STAG1: variants seen among roughly 807,000 people sequenced by gnomAD.
The protein encoded by STAG1 is STAG1 cohesin complex component.
A neutral mutation model predicts 170.9 loss-of-function variants in STAG1; 26 were observed. The observed-to-expected ratio is 0.15, with a 90% CI of 0.11 to 0.21. The LOEUF (loss-of-function observed/expected upper bound fraction) is 0.21, where lower values mean the gene tolerates loss of function less well. Ranked by LOEUF, STAG1 falls within the 10% of genes least tolerant of loss-of-function variation. The pLI, the probability that STAG1 is intolerant of heterozygous loss-of-function variation, is 1.00. For missense variants in STAG1, 964 were observed against 1,509.5 expected (o/e 0.64, Z 5.99); for synonymous variants, 514 against 497.7 (o/e 1.03, Z -0.44).
At position 136,737,851 on chromosome 3, in the gene STAG1, C is replaced by CCT. The variant is rs1352340097; in HGVS notation, c.-84+14343_-84+14344insAG. On this transcript the variant is annotated intron_variant, in intron 1 of 33. Coordinates refer to ENST00000383202, the MANE Select transcript of STAG1 (RefSeq NM_005862.3). ...TTGGGAGGCCGAGGCGGGCGGATCT[C>CCT]AAGGTCAGGGGTTCAAGACCAGCCT... Among the ~76,000 whole-genome samples the CCT allele has an allele frequency of 2.6e-3, 401 of 152,078 alleles. 2 individuals are homozygous for CCT. The highest frequency in any genetic ancestry group is 9.4e-3 in the African/African-American group (390 of 41,502).
At chr3:136,551,427 A>AC (rs1559874601) in intron 5 of STAG1, among the ~76,000 whole-genome samples, 3 of 30,448 alleles carry the variant, frequency 9.9e-5, no homozygotes, top group Non-Finnish European at 1.2e-4. Flanking sequence ...ACATCTGGCT[A>AC]ATTTTTTTTT....
chr3:136,714,451 G>A (rs912827480), intron 1 of STAG1, among the ~76,000 whole-genome samples: 3 of 151,994 alleles, frequency 2.0e-5, no homozygotes, highest in Non-Finnish European at 2.9e-5. Flanking sequence ...AAATTAGGCC[G>A]GGCGTGGTGG....
At chr3:136,374,112 T>C (rs1937489357) in intron 23 of STAG1, among the ~76,000 whole-genome samples, 1 of 152,126 alleles carries the variant, frequency 6.6e-6, no homozygotes, top group Non-Finnish European at 1.5e-5. Context: ...TCTTTGTCCC[T>C]TTTGATCTTT....
chr3:136,720,618 T>A (rs1268264712), intron 1 of STAG1, among the ~76,000 whole-genome samples: 1 of 152,038 alleles, frequency 6.6e-6, no homozygotes, highest in Non-Finnish European at 1.5e-5. Flanking sequence ...GGCAAAACCC[T>A]GTCTCTACTA....
At chr3:136,592,417 C>T (rs1438668638) in intron 4 of STAG1, among the ~76,000 whole-genome samples, 1 of 152,196 alleles carries the variant, frequency 6.6e-6, no homozygotes, top group Non-Finnish European at 1.5e-5. Flanking sequence ...GAGGTACCTT[C>T]CACCATGATT....
chr3:136,488,663 C>T (rs1243242155), intron 9 of STAG1, among the ~76,000 whole-genome samples: 2 of 152,168 alleles, frequency 1.3e-5, no homozygotes, highest in Non-Finnish European at 2.9e-5. Flanking sequence ...ATTATTCTTT[C>T]AAGCTCTAGT....
intron 28 of STAG1, among the ~76,000 whole-genome samples, chr3:136,356,920 T>A (rs920576783): frequency 1.3e-4 from 20 of 150,032 alleles, no homozygotes; most frequent in Middle Eastern, 3.3e-3. Context: ...GCCTAGCTAA[T>A]TTTTTTTTAT....
At chr3:136,545,205 C>T (rs1006415269) in intron 5 of STAG1, among the ~76,000 whole-genome samples, 5 of 151,902 alleles carry the variant, frequency 3.3e-5, no homozygotes, top group Admixed American at 6.6e-5. Context: ...CACGTCACCA[C>T]GTGTAATTAT....
chr3:136,657,158 A>G (rs1040695709), intron 1 of STAG1, among the ~76,000 whole-genome samples: 19 of 151,218 alleles, frequency 1.3e-4, no homozygotes, highest in African/African-American at 4.4e-4. Flanking sequence ...GCAAATATAA[A>G]GAACGTCCTC....
chr3:136,737,699 T>A (rs1286123121), intron 1 of STAG1, among the ~76,000 whole-genome samples: 1 of 152,190 alleles, frequency 6.6e-6, no homozygotes, highest in Non-Finnish European at 1.5e-5. Context: ...GGTAGCAGTA[T>A]AAAGGAGGCA....
At chr3:136,519,597 G>A (rs574772192) in intron 7 of STAG1, among the ~76,000 whole-genome samples, 28 of 151,104 alleles carry the variant, frequency 1.9e-4, no homozygotes, top group Non-Finnish European at 3.5e-4. Context: ...GGGCATTACT[G>A]TACACAGAAA....
At chr3:136,720,176 CAAAA>C (rs59409389) in intron 1 of STAG1, among the ~76,000 whole-genome samples, 2 of 61,152 alleles carry the variant, frequency 3.3e-5, no homozygotes, top group Non-Finnish European at 6.6e-5. Flanking sequence ...AATTCCGTCT[CAAAA>C]AAAAAAAAAA....
At chr3:136,576,553 CTG>C (rs1937461860) in intron 4 of STAG1, among the ~76,000 whole-genome samples, 1 of 152,066 alleles carries the variant, frequency 6.6e-6, no homozygotes, top group African/African-American at 2.4e-5. Context: ...AATTAATATT[CTG>C]TCTTGTTCCA....
chr3:136,604,725 A>G (rs542098807), intron 3 of STAG1, among the ~76,000 whole-genome samples: 1 of 152,248 alleles, frequency 6.6e-6, no homozygotes, highest in South Asian at 2.1e-4. Flanking sequence ...CTCTTAGCTC[A>G]CTGCAGCATC....
Position 136,630,924 on chromosome 3 carries a change from A to G in STAG1, c.-26T>C, listed in dbSNP as rs780642685. The G allele has an allele frequency of 2.2e-5, 35 of 1,561,492 alleles. No homozygotes were observed. In the East Asian group the frequency reaches 8.1e-4, roughly 36 times the overall value. On this transcript the variant is annotated 5_prime_UTR_variant, in exon 2 of 34. Coordinates refer to ENST00000383202, the MANE Select transcript of STAG1 (RefSeq NM_005862.3). ...TGCTGGAGAGGTCCTTTCACAATGC[A>G]GCAAAATAATCAAGTGCTGTACAAC...
intron 7 of STAG1, among the ~76,000 whole-genome samples, chr3:136,514,029 T>C (rs1934216118): frequency 6.6e-6 from 1 of 152,202 alleles, no homozygotes; most frequent in Non-Finnish European, 1.5e-5. Flanking sequence ...AATAACAAGT[T>C]ATGGCATAGT....
intron 1 of STAG1, among the ~76,000 whole-genome samples, chr3:136,745,043 T>C (rs987223621): frequency 1.3e-5 from 2 of 152,172 alleles, no homozygotes; most frequent in Non-Finnish European, 2.9e-5. Context: ...TAAAGTATTA[T>C]TTCATGAAAC....
intron 1 of STAG1, among the ~76,000 whole-genome samples, chr3:136,746,106 C>T (rs987597305): frequency 6.6e-6 from 1 of 152,192 alleles, no homozygotes; most frequent in African/African-American, 2.4e-5. Flanking sequence ...CAGAAAACTT[C>T]CTACAGACAC....
intron 1 of STAG1, among the ~76,000 whole-genome samples, chr3:136,676,999 G>GT (rs1942146506): frequency 6.6e-6 from 1 of 152,088 alleles, no homozygotes; most frequent in Non-Finnish European, 1.5e-5. Context: ...TTCAGGAACA[G>GT]TAACACCCAT....
Sources: gnomAD v4.1 joint callset for allele counts (sites outside exome capture counted in the v4.1 genomes callset) on GRCh38, gnomAD v4.1.1 for gene constraint, MANE v1.5 for transcripts, NCBI Gene and HGNC (gene_info 2026-07-23, HGNC 2026-07-21) for gene names.